The following RNF13 variants were observed in gnomAD, a reference collection of about 807,000 sequenced individuals.
The protein encoded by RNF13 is ring finger protein 13, also known as E3 ubiquitin-protein ligase RNF13.
RNF13 carries 19 observed loss-of-function variants against 37.7 expected under a neutral mutation model. That is an observed-to-expected ratio of 0.50 (90% CI 0.35 to 0.74). RNF13 has a LOEUF of 0.74. Among genes scored for constraint, RNF13 ranks in the 30% least tolerant of loss-of-function variants. The pLI is 0.01. For missense variants in RNF13, 375 were observed against 453.0 expected (o/e 0.83, Z 1.56); for synonymous variants, 144 against 157.8 (o/e 0.91, Z 0.65).
At chr3:149,910,513 CAT>C (rs1716888607) in intron 6 of RNF13, among the ~76,000 whole-genome samples, 1 of 151,876 alleles carries the variant, frequency 6.6e-6, no homozygotes, top group African/African-American at 2.4e-5. Context: ...GAAATAATAG[CAT>C]AAAGATTTAA....
rs371554595 is a variant in RNF13 at position 149,846,176 on chromosome 3, T to A, written c.114+36T>A. The A allele has an allele frequency of 3.0e-6, 4 of 1,333,308 alleles. No homozygotes were observed. In the African/African-American group the frequency reaches 5.9e-5, roughly 20 times the overall value. The allele number at this position is 1,333,308 out of a possible 1,614,324, so 82.6% of individuals were successfully genotyped here. On this transcript the variant is annotated intron_variant, in intron 2 of 9. Coordinates refer to ENST00000392894, the MANE Select transcript of RNF13 (RefSeq NM_183381.3). ...TAAAATTTATTCATGTCTAGAAACA[T>A]CCCTTAAAGAAAAGCTTAAAAAAAG...
intron 2 of RNF13, 101 bp from the exon 3 acceptor site, chr3:149,852,415 A>G: frequency 2.0e-6 from 1 of 491,584 alleles, no homozygotes; most frequent in Non-Finnish European, 3.6e-6. Context: ...GATAGTAATC[A>G]GAATTGTCAA....
intron 1 of RNF13, among the ~76,000 whole-genome samples, chr3:149,835,746 A>AT (rs935684939): frequency 7.9e-5 from 12 of 151,064 alleles, no homozygotes; most frequent in African/African-American, 2.9e-4. Context: ...CTGGTTCCAT[A>AT]TTTTTGCAAT....
intron 3 of RNF13, among the ~76,000 whole-genome samples, chr3:149,871,682 T>G (rs1163408592): frequency 6.6e-6 from 1 of 152,082 alleles, no homozygotes. Context: ...TCTGCTAACA[T>G]GAAAGAAAGT....
At chr3:149,943,512 C>T (rs1421621831) in intron 8 of RNF13, among the ~76,000 whole-genome samples, 1 of 152,150 alleles carries the variant, frequency 6.6e-6, no homozygotes, top group Non-Finnish European at 1.5e-5. Context: ...AACTGATGAA[C>T]CTACATGGAC....
chr3:149,936,171 T>C (rs1719652648), intron 8 of RNF13, among the ~76,000 whole-genome samples: 1 of 152,148 alleles, frequency 6.6e-6, no homozygotes, highest in East Asian at 1.9e-4. Context: ...CTCTTTTTGT[T>C]TTTGACCTTT....
chr3:149,876,690 CTGACTTTAT>C (rs1198614471), intron 4 of RNF13, among the ~76,000 whole-genome samples: 1 of 150,948 alleles, frequency 6.6e-6, no homozygotes, highest in Non-Finnish European at 1.5e-5. Flanking sequence ...TCTGGCCAAT[CTGACTTTAT>C]TTTAAATCTG....
intron 8 of RNF13, among the ~76,000 whole-genome samples, chr3:149,936,216 T>TA (rs1279615768): frequency 3.3e-5 from 5 of 152,138 alleles, no homozygotes; most frequent in Admixed American, 1.3e-4. Flanking sequence ...GGGATAGTCT[T>TA]ACTGGAGTTT....
intron 8 of RNF13, among the ~76,000 whole-genome samples, chr3:149,942,874 C>G (rs1478993013): frequency 6.6e-6 from 1 of 152,006 alleles, no homozygotes; most frequent in Non-Finnish European, 1.5e-5. Context: ...TAGTTTTTTT[C>G]TATTCCTAGT....
chr3:149,911,876 T>G (rs1428787181), intron 6 of RNF13, 102 bp from the exon 7 acceptor site: 2 of 668,224 alleles, frequency 3.0e-6, no homozygotes, highest in Non-Finnish European at 5.3e-6. Context: ...TTAATTGTAA[T>G]GTCTATATGT....
intron 8 of RNF13, among the ~76,000 whole-genome samples, chr3:149,930,451 C>T (rs966729277): frequency 1.2e-4 from 19 of 152,190 alleles, no homozygotes; most frequent in Admixed American, 2.0e-4. Context: ...TTTTTATATA[C>T]GGATATTCAA....
At chr3:149,852,243 A>G (rs569162486) in intron 2 of RNF13, among the ~76,000 whole-genome samples, 9 of 152,302 alleles carry the variant, frequency 5.9e-5, no homozygotes, top group Non-Finnish European at 8.8e-5. Context: ...GAAATTGTCT[A>G]TGGGAAAAAC....
At position 149,874,620 on chromosome 3, in the gene RNF13, A is replaced by T. The variant is rs114382346; in HGVS notation, c.321+2466A>T. Among the ~76,000 whole-genome samples the T allele has an allele frequency of 6.5e-3, 989 of 152,276 alleles. 12 individuals are homozygous for T. Among genetic ancestry groups the T allele is most frequent in the African/African-American group, 0.023 (942 of 41,578 alleles). Reference sequence around the variant, plus strand: ...GATGGCAAAATTCCTGACTTTTCAGAAATTAAATTGTCTGGTAAGTCACAT... The same window carrying T: ...GATGGCAAAATTCCTGACTTTTCAGTAATTAAATTGTCTGGTAAGTCACAT... On this transcript the variant is annotated intron_variant, in intron 4 of 9. Coordinates refer to ENST00000392894, the MANE Select transcript of RNF13 (RefSeq NM_183381.3).
intron 1 of RNF13, among the ~76,000 whole-genome samples, chr3:149,841,364 AGT>A (rs1467086565): frequency 6.6e-6 from 1 of 152,222 alleles, no homozygotes; most frequent in Non-Finnish European, 1.5e-5. Context: ...CATGTTAATA[AGT>A]GTGGATCTTT....
At position 149,961,994 on chromosome 3, in the gene RNF13, T is replaced by C. The variant is rs1174217362; in HGVS notation, c.*890T>C. On this transcript the variant is annotated 3_prime_UTR_variant, in exon 10 of 10. Transcript: ENST00000392894. ...ACTAATGATGTATTGAAACACTGTA[T>C]TATGAAAAGCTAAATTATACATCAT... 6.5e-6 allele frequency: 1 copy of C among 152,676 alleles called. No homozygotes were observed. Among genetic ancestry groups the C allele is most frequent in the Non-Finnish European group, 1.5e-5 (1 of 68,048 alleles). The allele number at this position is 152,676 out of a possible 1,614,324, so 9.5% of individuals were successfully genotyped here.
chr3:149,860,270 A>AAAAAAT (rs1302318768), intron 3 of RNF13, among the ~76,000 whole-genome samples: 15 of 104,116 alleles, frequency 1.4e-4, no homozygotes, highest in Admixed American at 4.2e-4. Flanking sequence ...AAAAAAAAAA[A>AAAAAAT]ATATATATAT....
At chr3:149,865,596 G>A (rs1425382347) in intron 3 of RNF13, among the ~76,000 whole-genome samples, 1 of 151,918 alleles carries the variant, frequency 6.6e-6, no homozygotes, top group African/African-American at 2.4e-5. Flanking sequence ...CTCCCAAGTA[G>A]TTGGGACTAC....
intron 1 of RNF13, among the ~76,000 whole-genome samples, chr3:149,819,140 T>G (rs1264349348): frequency 5.9e-5 from 9 of 152,206 alleles, no homozygotes; most frequent in Non-Finnish European, 1.0e-4. Flanking sequence ...AAATCTGTTT[T>G]TACGACTTCT....
At chr3:149,815,122 C>T (rs1719297978) in intron 1 of RNF13, among the ~76,000 whole-genome samples, 1 of 152,122 alleles carries the variant, frequency 6.6e-6, no homozygotes, top group African/African-American at 2.4e-5. Context: ...TAAATTGTTG[C>T]TAGCATTCAG....
Sources: allele counts gnomAD v4.1 joint callset (sites outside exome capture counted in the v4.1 genomes callset), GRCh38; gene constraint gnomAD v4.1.1; transcripts MANE v1.5; gene names NCBI Gene and HGNC (gene_info 2026-07-23, HGNC 2026-07-21).